The following FRAS1 variants were observed in gnomAD, a reference collection of about 807,000 sequenced individuals.
FRAS1 encodes the protein Fraser extracellular matrix complex subunit 1.
FRAS1 carries 290 observed loss-of-function variants against 435.2 expected under a neutral mutation model. That is an observed-to-expected ratio of 0.67 (90% CI 0.61 to 0.73). FRAS1 has a LOEUF of 0.73. Among genes scored for constraint, FRAS1 ranks in the 30% least tolerant of loss-of-function variants. The probability of loss-of-function intolerance (pLI) is 0.00; values close to 1 mark genes in which losing one functional copy is unlikely to be tolerated. For synonymous variants in FRAS1, 1,800 were observed against 1,851.0 expected (o/e 0.97, Z 0.71); for missense variants, 4,860 against 5,001.5 (o/e 0.97, Z 0.85).
chr4:78,450,893 G>A (rs1358524149), intron 45 of FRAS1, among the ~76,000 whole-genome samples: 1 of 151,956 alleles, frequency 6.6e-6, no homozygotes, highest in Admixed American at 6.5e-5. Flanking sequence ...ATACAAAAGG[G>A]AAAAAAAGTT....
At chr4:78,512,250 C>T (rs1471108735) in intron 64 of FRAS1, among the ~76,000 whole-genome samples, 4 of 152,128 alleles carry the variant, frequency 2.6e-5, no homozygotes, top group Non-Finnish European at 5.9e-5. Flanking sequence ...AAGTGTGTGC[C>T]TTTATGAACA....
intron 22 of FRAS1, among the ~76,000 whole-genome samples, chr4:78,364,892 G>A (rs1336147014): frequency 6.6e-6 from 1 of 152,182 alleles, no homozygotes; most frequent in African/African-American, 2.4e-5. Context: ...AGGAGAGTGG[G>A]CTCTAGAGTC....
rs376467639 is a variant in FRAS1, at chr4:78,233,378, C to T, written c.109-4132C>T. Reference sequence around the variant, plus strand: ...ATAGTTTCATTTCTCCCTTATTCAACAATGTTCTGGATCCTCTAAATGCTA... The same window carrying T: ...ATAGTTTCATTTCTCCCTTATTCAATAATGTTCTGGATCCTCTAAATGCTA... On this transcript the variant is annotated intron_variant, in intron 2 of 73. Transcript: ENST00000512123. Among the ~76,000 whole-genome samples the T allele has an allele frequency of 6.0e-4, 92 of 152,328 alleles. 1 individual carries two copies. Among genetic ancestry groups the T allele is most frequent in the Middle Eastern group, 3.4e-3 (1 of 294 alleles).
chr4:78,077,296 G>T (rs537776291), intron 2 of FRAS1, among the ~76,000 whole-genome samples: 1 of 152,140 alleles, frequency 6.6e-6, no homozygotes, highest in African/African-American at 2.4e-5. Context: ...CTTGATCCCC[G>T]GAAGTCAAGG....
chr4:78,366,788 A>G (rs1050463115), intron 22 of FRAS1, among the ~76,000 whole-genome samples: 1 of 152,172 alleles, frequency 6.6e-6, no homozygotes, highest in Non-Finnish European at 1.5e-5. Context: ...GTGTGGCCAC[A>G]CCAAGATGTC....
chr4:78,281,434 G>A lies in FRAS1; in HGVS notation c.1107+1G>A, dbSNP rs1214972267. ...TGCTAGTGAAGTTAAACGTATTCCA[G>A]TAAGTATAGCTTTTTAACTTGCACG... On this transcript the variant is annotated splice_donor_variant, in intron 11 of 73. Coordinates refer to ENST00000512123, the MANE Select transcript of FRAS1 (RefSeq NM_025074.7). LOFTEE classifies it high-confidence loss of function. 6.4e-7 allele frequency: 1 copy of A among 1,561,378 alleles called. No individual in the cohort carries two copies. The highest frequency in any genetic ancestry group is 8.7e-7 in the Non-Finnish European group (1 of 1,152,208).
chr4:78,286,172 A>G, intron 13 of FRAS1: 7 of 643,762 alleles, frequency 1.1e-5, no homozygotes, highest in Non-Finnish European at 2.0e-5. Flanking sequence ...AATAATATCT[A>G]CCTCCTAGGG....
intron 2 of FRAS1, among the ~76,000 whole-genome samples, chr4:78,200,395 A>G (rs974816023): frequency 6.6e-6 from 1 of 152,116 alleles, no homozygotes; most frequent in African/African-American, 2.4e-5. Context: ...ATAAGGCCAC[A>G]CCCCTGTCAT....
At chr4:78,307,718 G>A (rs796274802) in intron 14 of FRAS1, among the ~76,000 whole-genome samples, 2 of 152,204 alleles carry the variant, frequency 1.3e-5, no homozygotes, top group East Asian at 1.9e-4. Flanking sequence ...TTCGGCTGGC[G>A]CATGGTGCAT....
At chr4:78,310,399 T>G (rs114539302) in intron 15 of FRAS1, among the ~76,000 whole-genome samples, 1,688 of 152,254 alleles carry the variant, frequency 0.011, 29 homozygotes, top group African/African-American at 0.037. Context: ...AGTGGTGTAT[T>G]TAAAAAGAGG....
At chr4:78,174,636 T>C (rs1005400003) in intron 2 of FRAS1, among the ~76,000 whole-genome samples, 4 of 152,216 alleles carry the variant, frequency 2.6e-5, no homozygotes, top group Non-Finnish European at 5.9e-5. Flanking sequence ...GCCAAGTATT[T>C]GGCTGACTAG....
intron 18 of FRAS1, among the ~76,000 whole-genome samples, chr4:78,328,374 A>T (rs1014395832): frequency 2.6e-5 from 4 of 152,228 alleles, no homozygotes; most frequent in African/African-American, 9.6e-5. Context: ...GTAAAGTCTG[A>T]TATAAACCTA....
chr4:78,128,928 T>A (rs1203923188), intron 2 of FRAS1, among the ~76,000 whole-genome samples: 1 of 152,222 alleles, frequency 6.6e-6, no homozygotes, highest in Admixed American at 6.5e-5. Flanking sequence ...AATTAATTTT[T>A]GTATAAGGTG....
chr4:78,508,276 A>G (rs1720904219), intron 62 of FRAS1, among the ~76,000 whole-genome samples: 1 of 152,238 alleles, frequency 6.6e-6, no homozygotes, highest in South Asian at 2.1e-4. Flanking sequence ...CATATATTAG[A>G]AAAGAATGAT....
chr4:78,531,009 T>G (rs1208536169), intron 70 of FRAS1, among the ~76,000 whole-genome samples: 1 of 152,214 alleles, frequency 6.6e-6, no homozygotes, highest in Non-Finnish European at 1.5e-5. Flanking sequence ...TCCTTTCTTA[T>G]TTCCTTGAGC....
chr4:78,469,530 G>A (rs1277966359), intron 50 of FRAS1, among the ~76,000 whole-genome samples: 1 of 151,888 alleles, frequency 6.6e-6, no homozygotes, highest in Non-Finnish European at 1.5e-5. Flanking sequence ...TTCACATCTG[G>A]CATAATCCCA....
chr4:78,271,241 T>A (rs1726661996), intron 9 of FRAS1, among the ~76,000 whole-genome samples: 1 of 151,018 alleles, frequency 6.6e-6, no homozygotes, highest in South Asian at 2.1e-4. Flanking sequence ...AGGCCCCAAA[T>A]TAAATATTAA....
intron 18 of FRAS1, among the ~76,000 whole-genome samples, chr4:78,320,392 C>T (rs984663245): frequency 2.0e-5 from 3 of 152,186 alleles, no homozygotes; most frequent in Non-Finnish European, 2.9e-5. Flanking sequence ...TGGCTCTTTC[C>T]TTAGGGACCC....
intron 70 of FRAS1, among the ~76,000 whole-genome samples, chr4:78,528,138 G>A (rs944890919): frequency 3.9e-5 from 6 of 152,128 alleles, no homozygotes; most frequent in African/African-American, 1.4e-4. Flanking sequence ...AGAATGTCGA[G>A]GTTTGAGAAG....
Sources: gnomAD v4.1 joint callset for allele counts (sites outside exome capture counted in the v4.1 genomes callset) on GRCh38, gnomAD v4.1.1 for gene constraint, MANE v1.5 for transcripts, NCBI Gene and HGNC (gene_info 2026-07-23, HGNC 2026-07-21) for gene names.